Variants in PUM2 observed in about 807,000 individuals in gnomAD.
PUM2 encodes pumilio RNA binding family member 2.
PUM2 carries 57 observed loss-of-function variants against 124.5 expected under a neutral mutation model. The observed-to-expected ratio is 0.46, with a 90% CI of 0.37 to 0.57. The LOEUF is 0.57. PUM2 is among the 20% of genes least tolerant of loss of function. The probability of loss-of-function intolerance (pLI) is 0.00; values close to 1 mark genes in which losing one functional copy is unlikely to be tolerated. For synonymous variants in PUM2, 460 were observed against 446.1 expected (o/e 1.03, Z -0.39); for missense variants, 1,065 against 1,290.6 (o/e 0.83, Z 2.68).
At chr2:20,252,648 T>C (rs1663724713) in intron 20 of PUM2, among the ~76,000 whole-genome samples, 1 of 152,174 alleles carries the variant, frequency 6.6e-6, no homozygotes, top group Admixed American at 6.5e-5. Context: ...CCTGCTGCAA[T>C]TACTAATTTC....
Position 20,308,071 on chromosome 2 carries a change from G to A in PUM2, c.790C>T (p.Leu264Phe). The change falls in exon 7 of 21, where the codon CTC becomes TTC. Residue 264 changes from leucine to phenylalanine, a missense_variant and splice_region_variant. Leu to Phe is a conservative substitution (Grantham distance 22). This residue lies in a region of PUM2 where 968 missense variants were observed against 1,159.8 expected (regional missense o/e 0.83). Transcript: ENST00000361078. ...GTTAGTGCATTAGTCCTCTGAAAGA[G>A]CTATTAGGGAAAATATTTAACACAA... Reference protein sequence around the residue: ...GLFDYNSQQQLFQRTNALTVQ... With the variant: ...GLFDYNSQQQFFQRTNALTVQ... 1 of 1,605,062 alleles carries A rather than the reference G, an allele frequency of 6.2e-7. No homozygotes were observed. Among genetic ancestry groups the A allele is most frequent in the East Asian group, 2.2e-5 (1 of 44,630 alleles).
At chr2:20,263,116 G>T in intron 14 of PUM2, 77 bp downstream of exon 14, 1 of 1,410,468 alleles carries the variant, frequency 7.1e-7, no homozygotes, top group Non-Finnish European at 9.7e-7. Context: ...GCAGACTAAA[G>T]TCCAGAAAAA....
chr2:20,330,192 A>C (rs957693173), intron 1 of PUM2, among the ~76,000 whole-genome samples: 5 of 152,216 alleles, frequency 3.3e-5, no homozygotes, highest in African/African-American at 1.2e-4. Flanking sequence ...TAAAGTGCTG[A>C]AAGGAGTGCC....
At chr2:20,275,985 AATGT>A (rs1670145375) in intron 13 of PUM2, among the ~76,000 whole-genome samples, 1 of 152,080 alleles carries the variant, frequency 6.6e-6, no homozygotes, top group African/African-American at 2.4e-5. Context: ...ATTATTTTAA[AATGT>A]ATGATATACT....
chr2:20,251,826 A>G, intron 20 of PUM2, 110 bp from the exon 21 acceptor site: 1 of 1,328,596 alleles, frequency 7.5e-7, no homozygotes, highest in Non-Finnish European at 1.0e-6. Flanking sequence ...AATTAAAAAA[A>G]ATTTAAATCC....
At chr2:20,279,812 G>A (rs1671084623) in intron 12 of PUM2, among the ~76,000 whole-genome samples, 1 of 152,024 alleles carries the variant, frequency 6.6e-6, no homozygotes, top group African/African-American at 2.4e-5. Context: ...CATCTCTAAG[G>A]GCTGTCCAAA....
chr2:20,333,868 C>T (rs1558668554), intron 1 of PUM2, among the ~76,000 whole-genome samples: 1 of 152,058 alleles, frequency 6.6e-6, no homozygotes, highest in Non-Finnish European at 1.5e-5. Context: ...TGGATTATTG[C>T]CATCCCCTCA....
intron 1 of PUM2, among the ~76,000 whole-genome samples, chr2:20,332,690 T>C (rs887773361): frequency 2.0e-5 from 3 of 152,188 alleles, no homozygotes; most frequent in African/African-American, 7.2e-5. Flanking sequence ...AATGCTGGTG[T>C]CATCTGATGG....
chr2:20,337,447 G>A (rs141270711), intron 1 of PUM2, among the ~76,000 whole-genome samples: 39 of 152,186 alleles, frequency 2.6e-4, no homozygotes, highest in African/African-American at 8.2e-4. Context: ...GAACAAGGAC[G>A]GTAGCTATCA....
chr2:20,276,481 T>C (rs892193922), intron 13 of PUM2, among the ~76,000 whole-genome samples: 2 of 152,058 alleles, frequency 1.3e-5, no homozygotes, highest in African/African-American at 2.4e-5. Context: ...AGAGAACTTA[T>C]CTCTATCTCA....
chr2:20,274,704 G>A (rs1421791308), intron 13 of PUM2, among the ~76,000 whole-genome samples: 2 of 151,634 alleles, frequency 1.3e-5, no homozygotes, highest in African/African-American at 4.8e-5. Context: ...GAGGTACAGG[G>A]CAAGAAGCCG....
In PUM2 at chr2:20,248,863, A is replaced by G. The variant is rs1274967136; in HGVS notation, c.*2722T>C. ...CAGGACTTAGACAAACTGGTCCAGAAACAATCCCTATCAAAAGGAGACACT... is the reference window on the plus strand; with the variant it reads ...CAGGACTTAGACAAACTGGTCCAGAGACAATCCCTATCAAAAGGAGACACT... On this transcript the variant is annotated 3_prime_UTR_variant, in exon 21 of 21. Coordinates refer to ENST00000361078, the MANE Select transcript of PUM2 (RefSeq NM_015317.5). 1 of 152,686 alleles carries G rather than the reference A, an allele frequency of 6.5e-6. No individual in the cohort carries two copies. Among genetic ancestry groups the G allele is most frequent in the Non-Finnish European group, 1.5e-5 (1 of 68,044 alleles). 9.5% of individuals were successfully genotyped at this position (152,686 alleles called of 1,614,324 possible).
intron 1 of PUM2, among the ~76,000 whole-genome samples, chr2:20,340,911 G>A (rs1013216638): frequency 2.0e-5 from 3 of 152,164 alleles, no homozygotes; most frequent in Non-Finnish European, 4.4e-5. Context: ...CTCCCTCATA[G>A]GGCTGTTGCA....
At chr2:20,305,849 G>C (rs954101583) in intron 7 of PUM2, among the ~76,000 whole-genome samples, 4 of 152,108 alleles carry the variant, frequency 2.6e-5, no homozygotes, top group African/African-American at 9.7e-5. Flanking sequence ...AAACCCCTAT[G>C]AGAAAAATTT....
rs966599405 is a variant in PUM2 at position 20,343,850 on chromosome 2, G to C, written c.-19+6747C>G. ...AGGCTGAAGTCAGAGAACTGCTTGA[G>C]ACTGGGCAGTTGAGGCTGCAGTGAG... On this transcript the variant is annotated intron_variant, in intron 1 of 20. Transcript: ENST00000361078. 3.3e-5 allele frequency among the ~76,000 whole-genome samples: 5 copies of C among 152,210 alleles called. No homozygotes were observed. In the East Asian group the frequency reaches 9.7e-4, roughly 29 times the overall value.
intron 1 of PUM2, among the ~76,000 whole-genome samples, chr2:20,334,007 A>T (rs2148960075): frequency 6.6e-6 from 1 of 152,228 alleles, no homozygotes; most frequent in African/African-American, 2.4e-5. Flanking sequence ...CATGATTCTA[A>T]GTTTCCCGAG....
At chr2:20,309,143 G>C (rs1231590266) in intron 5 of PUM2, among the ~76,000 whole-genome samples, 2 of 152,050 alleles carry the variant, frequency 1.3e-5, no homozygotes, top group Non-Finnish European at 2.9e-5. Flanking sequence ...TACTATACAT[G>C]ATAAGTCAAA....
intron 9 of PUM2, among the ~76,000 whole-genome samples, chr2:20,292,981 A>G (rs546056019): frequency 6.6e-6 from 1 of 152,296 alleles, no homozygotes; most frequent in African/African-American, 2.4e-5. Flanking sequence ...AAAAGGAAAT[A>G]CGGAAAGATT....
intron 1 of PUM2, among the ~76,000 whole-genome samples, chr2:20,329,832 T>C (rs1397328837): frequency 2.0e-5 from 3 of 152,148 alleles, no homozygotes; most frequent in Non-Finnish European, 2.9e-5. Flanking sequence ...CTAATGTGTA[T>C]AATTTTCACA....
Sources: allele counts gnomAD v4.1 joint callset (sites outside exome capture counted in the v4.1 genomes callset), GRCh38; gene constraint gnomAD v4.1.1; regional missense constraint gnomAD v4.1.1; transcripts MANE v1.5; gene names NCBI Gene and HGNC (gene_info 2026-07-23, HGNC 2026-07-21).